The following DLGAP1 variants were observed in gnomAD, a reference collection of about 807,000 sequenced individuals.
DLGAP1 encodes DLG associated protein 1, also known as disks large-associated protein 1.
Under a neutral mutation model 90.8 loss-of-function variants are expected in DLGAP1, and 11 were observed. The ratio of observed to expected loss-of-function variants is 0.12; its 90% CI spans 0.08 to 0.20. The LOEUF is 0.20. Ranked by LOEUF, DLGAP1 falls within the 10% of genes least tolerant of loss-of-function variation. DLGAP1 has a pLI of 1.00. For synonymous variants in DLGAP1, 558 were observed against 540.7 expected, an observed-to-expected ratio of 1.03 and a Z score of -0.44; for missense variants, 1,050 against 1,333.8, an observed-to-expected ratio of 0.79 and a Z score of 3.31.
At chr18:3,953,221 G>A (rs996841407) in intron 3 of DLGAP1, among the ~76,000 whole-genome samples, 3 of 152,076 alleles carry the variant, frequency 2.0e-5, no homozygotes, top group African/African-American at 4.8e-5. Context: ...ATAAGCATAG[G>A]TTTCTTACAT....
chr18:4,210,797 C>A (rs540551614), intron 1 of DLGAP1, among the ~76,000 whole-genome samples: 4 of 152,238 alleles, frequency 2.6e-5, no homozygotes, highest in Non-Finnish European at 5.9e-5. Flanking sequence ...GACTAAAGAT[C>A]TATTACAACT....
At chr18:3,834,362 T>C (rs1036320931) in intron 4 of DLGAP1, among the ~76,000 whole-genome samples, 4 of 144,960 alleles carry the variant, frequency 2.8e-5, no homozygotes, top group Non-Finnish European at 6.1e-5. Flanking sequence ...ATCATAGCAC[T>C]GGTTGTAAAA....
chr18:4,172,681 C>T (rs1254919696), intron 1 of DLGAP1, among the ~76,000 whole-genome samples: 1 of 152,184 alleles, frequency 6.6e-6, no homozygotes, highest in Non-Finnish European at 1.5e-5. Flanking sequence ...AACACCCAAG[C>T]CATCCCCCAT....
Position 4,101,142 on chromosome 18 carries a change from C to T in DLGAP1, c.-159+50038G>A, listed in dbSNP as rs903346481. On this transcript the variant is annotated intron_variant, in intron 2 of 12. Coordinates refer to ENST00000315677, the MANE Select transcript of DLGAP1 (RefSeq NM_004746.4). Reference sequence around the variant, plus strand: ...GCTTTTGGCCTACCTCAGCTTTTTACGTGGCTTCCTCACTAAGCTTAATCA... The same window carrying T: ...GCTTTTGGCCTACCTCAGCTTTTTATGTGGCTTCCTCACTAAGCTTAATCA... Among the ~76,000 whole-genome samples, 18 of 152,302 alleles carry T rather than the reference C, an allele frequency of 1.2e-4. No homozygotes were observed. In the East Asian group the frequency reaches 2.7e-3, roughly 23 times the overall value.
intron 9 of DLGAP1, among the ~76,000 whole-genome samples, chr18:3,554,287 TTACTTAGG>T (rs1166761883): frequency 1.3e-5 from 2 of 152,172 alleles, no homozygotes; most frequent in Non-Finnish European, 2.9e-5. Flanking sequence ...TTTGCCTGCT[TTACTTAGG>T]ATCAGTCCTG....
chr18:3,540,469 CA>C (rs60740209), intron 9 of DLGAP1, among the ~76,000 whole-genome samples: 19,393 of 57,490 alleles, frequency 0.34, 1,707 homozygotes, highest in South Asian at 0.45. Context: ...GGCCCTGTGT[CA>C]AAAAAAAAAA....
intron 4 of DLGAP1, among the ~76,000 whole-genome samples, chr18:3,841,138 A>G (rs2068692842): frequency 6.6e-6 from 1 of 152,214 alleles, no homozygotes; most frequent in Non-Finnish European, 1.5e-5. Flanking sequence ...GTAGTCTGAC[A>G]TCAGGCTACG....
chr18:4,202,827 G>A (rs983795847), intron 1 of DLGAP1, among the ~76,000 whole-genome samples: 7 of 152,240 alleles, frequency 4.6e-5, no homozygotes, highest in Middle Eastern at 3.4e-3. Context: ...TGACTAGAAA[G>A]TTTTATCCTA....
chr18:4,065,447 T>G (rs1230662707), intron 2 of DLGAP1, among the ~76,000 whole-genome samples: 1 of 152,134 alleles, frequency 6.6e-6, no homozygotes, highest in Admixed American at 6.6e-5. Flanking sequence ...CAAAAGCCTC[T>G]TAAGCTGCTA....
At chr18:4,101,752 C>T (rs933989354) in intron 2 of DLGAP1, among the ~76,000 whole-genome samples, 6 of 151,878 alleles carry the variant, frequency 4.0e-5, no homozygotes, top group African/African-American at 1.2e-4. Flanking sequence ...TCCAGTGTTT[C>T]CTAATGCCAA....
At chr18:4,098,753 G>T (rs1005226726) in intron 2 of DLGAP1, among the ~76,000 whole-genome samples, 1 of 152,168 alleles carries the variant, frequency 6.6e-6, no homozygotes, top group African/African-American at 2.4e-5. Context: ...AAGGTAAAAT[G>T]TTCAGGTATA....
Position 3,802,070 on chromosome 18 carries a change from T to C in DLGAP1, c.1172+11989A>G, listed in dbSNP as rs924102224. ...CGTGATCTTGGCTCACTGTAACCTC[T>C]GCCTCCCAGGTTCAAGTGATTATTC... On this transcript the variant is annotated intron_variant, in intron 5 of 12. Transcript: ENST00000315677. Among the ~76,000 whole-genome samples the C allele has an allele frequency of 7.9e-5, 12 of 152,116 alleles. No homozygotes were observed. The East Asian group carries it at 1.4e-3, about 17-fold the overall frequency.
At chr18:3,557,300 T>C (rs531611674) in intron 9 of DLGAP1, among the ~76,000 whole-genome samples, 1 of 152,224 alleles carries the variant, frequency 6.6e-6, no homozygotes, top group African/African-American at 2.4e-5. Context: ...GGTTGGTGGA[T>C]CACAAGGTCA....
chr18:3,656,641 C>T (rs2059493865), intron 7 of DLGAP1, among the ~76,000 whole-genome samples: 2 of 152,158 alleles, frequency 1.3e-5, no homozygotes, highest in South Asian at 4.1e-4. Flanking sequence ...TTTCAGCTCC[C>T]TCAAGTCAGA....
At chr18:3,539,865 C>G (rs2052585569) in intron 9 of DLGAP1, among the ~76,000 whole-genome samples, 1 of 151,734 alleles carries the variant, frequency 6.6e-6, no homozygotes, top group Non-Finnish European at 1.5e-5. Flanking sequence ...CCCCTGGCCT[C>G]TGCTTAGCGT....
chr18:3,499,018 A>C lies in DLGAP1; in HGVS notation c.*167T>G. 1.8e-6 allele frequency: 1 copy of C among 549,520 alleles called. No homozygotes were observed. Among genetic ancestry groups the C allele is most frequent in the Non-Finnish European group, 3.0e-6 (1 of 336,108 alleles). The allele number at this position is 549,520 out of a possible 1,614,324, so 34.0% of individuals were successfully genotyped here. On this transcript the variant is annotated 3_prime_UTR_variant, in exon 13 of 13. Transcript: ENST00000315677. This position sits in a 1 kb window ranked among gnomAD's most constrained non-coding sequence, Gnocchi z 6.4. ...AACGGGTACGGGAAGTGGGGGGCTG[A>C]GGGGGGCCCGGGGGGCGGCTCCTGC...
At chr18:3,728,691 G>C (rs1041860664) in intron 7 of DLGAP1, among the ~76,000 whole-genome samples, 4 of 152,170 alleles carry the variant, frequency 2.6e-5, no homozygotes, top group Non-Finnish European at 5.9e-5. Flanking sequence ...GGTCTTTTGG[G>C]ATAGTCACTT....
At chr18:4,062,951 T>A (rs530180815) in intron 2 of DLGAP1, among the ~76,000 whole-genome samples, 2 of 152,250 alleles carry the variant, frequency 1.3e-5, no homozygotes, top group South Asian at 4.2e-4. Context: ...CTCTCAATAT[T>A]AAAGATTTCA....
chr18:4,381,280 A>C (rs1324361976), intron 1 of DLGAP1, among the ~76,000 whole-genome samples: 3 of 152,194 alleles, frequency 2.0e-5, no homozygotes, highest in Non-Finnish European at 2.9e-5. Context: ...ACAAATAGAT[A>C]GACATAAAAA....
Sources: allele counts gnomAD v4.1 joint callset (sites outside exome capture counted in the v4.1 genomes callset), GRCh38; gene constraint gnomAD v4.1.1; non-coding constraint Gnocchi (gnomAD v3.1); transcripts MANE v1.5; gene names NCBI Gene and HGNC (gene_info 2026-07-23, HGNC 2026-07-21).